The following B3GLCT variants were observed in gnomAD, a reference collection of about 807,000 sequenced individuals.
B3GLCT encodes the protein beta 3-glucosyltransferase.
In B3GLCT, 65 loss-of-function variants were observed where a neutral mutation model predicts 63.4. That is an observed-to-expected ratio of 1.03 (90% CI 0.84 to 1.26). The LOEUF is 1.26. Among genes scored for constraint, B3GLCT ranks in the 50% most tolerant of loss-of-function variants. B3GLCT has a pLI of 0.00. For missense variants in B3GLCT, 577 were observed against 604.8 expected (o/e 0.95, Z 0.48); for synonymous variants, 233 against 219.2 (o/e 1.06, Z -0.55).
chr13:31,206,708 G>C (rs1868975014), intron 1 of B3GLCT, among the ~76,000 whole-genome samples: 1 of 151,932 alleles, frequency 6.6e-6, no homozygotes, highest in Admixed American at 6.6e-5. Context: ...TTGCACTCCA[G>C]CCCGGGCGAC....
In B3GLCT at chr13:31,260,930, T is replaced by C; in HGVS notation, c.460-16T>C. On this transcript the variant is annotated splice_polypyrimidine_tract_variant and intron_variant, in intron 6 of 14. Transcript: ENST00000343307. ...TGATTGTTTTTAAAGTGACATGTTA[T>C]ATCTTTATTTAACAGGAATGGTTTT... 6.2e-7 allele frequency: 1 copy of C among 1,607,412 alleles called. No homozygotes were observed. Among genetic ancestry groups the C allele is most frequent in the Non-Finnish European group, 8.5e-7 (1 of 1,173,952 alleles).
chr13:31,243,355 T>G (rs1219461423), intron 4 of B3GLCT, among the ~76,000 whole-genome samples: 2 of 152,188 alleles, frequency 1.3e-5, no homozygotes, highest in South Asian at 2.1e-4. Flanking sequence ...ACCAGCACCA[T>G]GTAGTTTAAT....
chr13:31,231,168 C>T (rs965609600), intron 4 of B3GLCT, among the ~76,000 whole-genome samples: 6 of 152,060 alleles, frequency 3.9e-5, no homozygotes, highest in East Asian at 3.9e-4. Flanking sequence ...GGGGTGGCCA[C>T]GCGCAGGCTG....
At chr13:31,251,950 G>T (rs1871448185) in intron 6 of B3GLCT, among the ~76,000 whole-genome samples, 1 of 151,788 alleles carries the variant, frequency 6.6e-6, no homozygotes, top group African/African-American at 2.4e-5. Context: ...GGAAAAAAAT[G>T]TTAAGGGCAG....
chr13:31,292,821 TGA>T (rs1314367897), intron 12 of B3GLCT, among the ~76,000 whole-genome samples: 70 of 152,152 alleles, frequency 4.6e-4, no homozygotes, highest in African/African-American at 1.7e-3. Context: ...AGTTCTGCTC[TGA>T]TCTTAGTTAT....
chr13:31,317,448 CTT>C (rs1451350730), intron 12 of B3GLCT, 116 bp from the exon 13 acceptor site: 12 of 1,236,786 alleles, frequency 9.7e-6, no homozygotes, highest in Admixed American at 3.5e-5. Flanking sequence ...AATTTCTTCT[CTT>C]AACTATTTCA....
At chr13:31,275,512 G>A (rs377717647) in intron 9 of B3GLCT, among the ~76,000 whole-genome samples, 17 of 152,022 alleles carry the variant, frequency 1.1e-4, no homozygotes, top group Middle Eastern at 3.2e-3. Flanking sequence ...TGACACCCAC[G>A]CCTTCTCCAC....
chr13:31,210,147 G>C (rs1203515636), intron 1 of B3GLCT, among the ~76,000 whole-genome samples: 1 of 152,150 alleles, frequency 6.6e-6, no homozygotes, highest in Non-Finnish European at 1.5e-5. Context: ...ACATTTGTTG[G>C]CTTGAATTAT....
intron 10 of B3GLCT, among the ~76,000 whole-genome samples, chr13:31,280,632 A>G (rs1873026793): frequency 1.3e-5 from 2 of 152,326 alleles, no homozygotes; most frequent in African/African-American, 4.8e-5. Flanking sequence ...GAAAATATAG[A>G]TTGCATTTAT....
At chr13:31,328,714 AAAAG>A in intron 14 of B3GLCT, among the ~76,000 whole-genome samples, 1 of 151,180 alleles carries the variant, frequency 6.6e-6, no homozygotes, top group African/African-American at 2.4e-5. Context: ...AAAAAAAAAA[AAAAG>A]GTTTACCGAG....
intron 6 of B3GLCT, among the ~76,000 whole-genome samples, chr13:31,254,020 T>G (rs924942202): frequency 2.0e-5 from 3 of 152,204 alleles, no homozygotes; most frequent in Admixed American, 6.5e-5. Context: ...AGTTCTGTAA[T>G]TGAGGCAGTA....
chr13:31,328,125 A>C (rs1206231763), intron 14 of B3GLCT, among the ~76,000 whole-genome samples: 1 of 152,216 alleles, frequency 6.6e-6, no homozygotes, highest in Non-Finnish European at 1.5e-5. Context: ...CTCAGCGGTA[A>C]ATTGGAAGTG....
chr13:31,212,914 T>C (rs1869345249), intron 1 of B3GLCT, among the ~76,000 whole-genome samples: 1 of 152,164 alleles, frequency 6.6e-6, no homozygotes, highest in African/African-American at 2.4e-5. Context: ...AGCTTAGAGG[T>C]AAATAAAATA....
intron 6 of B3GLCT, among the ~76,000 whole-genome samples, chr13:31,253,747 C>T (rs1471413102): frequency 6.6e-6 from 1 of 151,728 alleles, no homozygotes; most frequent in Non-Finnish European, 1.5e-5. Context: ...AATCCAGGAG[C>T]TGGTTTTTTG....
At chr13:31,299,887 G>A (rs1358503094) in intron 12 of B3GLCT, among the ~76,000 whole-genome samples, 1 of 152,088 alleles carries the variant, frequency 6.6e-6, no homozygotes, top group Admixed American at 6.5e-5. Context: ...AGTATCCATT[G>A]CCCTCTTGCC....
intron 10 of B3GLCT, among the ~76,000 whole-genome samples, chr13:31,280,356 C>G (rs1873009395): frequency 6.6e-6 from 1 of 152,216 alleles, no homozygotes; most frequent in Non-Finnish European, 1.5e-5. Flanking sequence ...CAGCCGGTCC[C>G]TCCGTTTGGG....
intron 13 of B3GLCT, among the ~76,000 whole-genome samples, chr13:31,322,491 A>G (rs1875376321): frequency 6.6e-6 from 1 of 152,258 alleles, no homozygotes; most frequent in African/African-American, 2.4e-5. Context: ...AGAGCAGACA[A>G]GTGTTCTTTC....
chr13:31,262,451 G>A (rs1593281814), intron 7 of B3GLCT, among the ~76,000 whole-genome samples: 1 of 152,240 alleles, frequency 6.6e-6, no homozygotes, highest in East Asian at 1.9e-4. Flanking sequence ...AAGGGTCAAG[G>A]AGGAAGAGGA....
intron 4 of B3GLCT, 56 bp from the exon 5 acceptor site, chr13:31,246,967 A>ATTT: frequency 9.1e-6 from 7 of 768,392 alleles, no homozygotes; most frequent in South Asian, 2.9e-5. Context: ...TTTTTTTTTT[A>ATTT]CTTTTTTTCG....
Sources: allele counts gnomAD v4.1 joint callset (sites outside exome capture counted in the v4.1 genomes callset), GRCh38; gene constraint gnomAD v4.1.1; transcripts MANE v1.5; gene names NCBI Gene and HGNC (gene_info 2026-07-23, HGNC 2026-07-21).